The following ZNF730 variants were observed in gnomAD, a reference collection of about 807,000 sequenced individuals.
ZNF730 encodes the protein putative zinc finger protein 730.
Under a neutral mutation model 12.6 loss-of-function variants are expected in ZNF730, and 12 were observed. The observed-to-expected ratio is 0.95, with a 90% CI of 0.61 to 1.54. ZNF730 has a LOEUF of 1.54. Among genes scored for constraint, ZNF730 ranks in the 40% most tolerant of loss-of-function variants. The pLI is 0.00. For missense variants in ZNF730, 643 were observed against 583.5 expected (o/e 1.10, Z -1.05); for synonymous variants, 194 against 195.8 (o/e 0.99, Z 0.08).
At chr19:23,117,673 G>T (rs374532357) in intron 1 of ZNF730, among the ~76,000 whole-genome samples, 1 of 152,180 alleles carries the variant, frequency 6.6e-6, no homozygotes, top group East Asian at 1.9e-4. Flanking sequence ...CATGGGACGG[G>T]CTTGAAGGAA....
intron 3 of ZNF730, among the ~76,000 whole-genome samples, chr19:23,142,708 A>T (rs1284991526): frequency 7.1e-6 from 1 of 141,308 alleles, no homozygotes; most frequent in East Asian, 2.1e-4. Context: ...AAAAAAAAAA[A>T]GTTTATCTCT....
At chr19:23,090,932 G>A (rs915050679) in intron 1 of ZNF730, among the ~76,000 whole-genome samples, 9 of 152,026 alleles carry the variant, frequency 5.9e-5, no homozygotes, top group African/African-American at 1.7e-4. Flanking sequence ...AGGAGGCGGT[G>A]GAGGTTGCAG....
chr19:23,142,776 C>A (rs953690233), intron 3 of ZNF730, among the ~76,000 whole-genome samples: 1 of 122,268 alleles, frequency 8.2e-6, no homozygotes, highest in Non-Finnish European at 1.8e-5. Flanking sequence ...GAAAGACTTA[C>A]TGTTATTTTA....
intron 1 of ZNF730, among the ~76,000 whole-genome samples, chr19:23,080,556 G>T (rs1399214958): frequency 6.6e-6 from 1 of 151,816 alleles, no homozygotes; most frequent in Admixed American, 6.6e-5. Context: ...TTTATTTTTA[G>T]TAGAGACGGG....
chr19:23,088,780 A>C, intron 1 of ZNF730, among the ~76,000 whole-genome samples: 1 of 151,946 alleles, frequency 6.6e-6, no homozygotes, highest in East Asian at 1.9e-4. Context: ...AGAGTTTTTA[A>C]CATGAATGGA....
intron 3 of ZNF730, chr19:23,143,861 T>C (rs1319529363): frequency 6.6e-6 from 1 of 152,200 alleles, no homozygotes; most frequent in African/African-American, 2.4e-5. Flanking sequence ...CCCAAGATGC[T>C]CTGTGACTTT....
intron 2 of ZNF730, among the ~76,000 whole-genome samples, chr19:23,134,551 G>A (rs1970797766): frequency 7.1e-6 from 1 of 141,616 alleles, no homozygotes; most frequent in African/African-American, 2.6e-5. Flanking sequence ...CCCCTACTGG[G>A]AAGTGAGGAC....
intron 1 of ZNF730, among the ~76,000 whole-genome samples, chr19:23,120,303 G>A (rs916625154): frequency 6.6e-6 from 1 of 152,046 alleles, no homozygotes; most frequent in Non-Finnish European, 1.5e-5. Context: ...CTGGTCCTGG[G>A]CTTTCTTTTG....
chr19:23,137,241 A>T (rs981678860), intron 3 of ZNF730, among the ~76,000 whole-genome samples: 3 of 152,194 alleles, frequency 2.0e-5, no homozygotes, highest in African/African-American at 7.2e-5. Flanking sequence ...AAATATTTTT[A>T]AATTTATTTG....
intron 1 of ZNF730, among the ~76,000 whole-genome samples, chr19:23,129,764 C>T (rs1398502890): frequency 1.3e-5 from 2 of 151,826 alleles, no homozygotes; most frequent in African/African-American, 2.4e-5. Flanking sequence ...GAGGCCGAGA[C>T]GGGTGGATCA....
chr19:23,126,613 G>C, intron 1 of ZNF730: 1 of 490,120 alleles, frequency 2.0e-6, no homozygotes. Context: ...GGCAGCAACT[G>C]TAGGTTACCC....
chr19:23,099,718 ACT>A (rs756217002), intron 1 of ZNF730, among the ~76,000 whole-genome samples: 2 of 152,070 alleles, frequency 1.3e-5, no homozygotes, highest in African/African-American at 2.4e-5. Flanking sequence ...GGAGATGTTG[ACT>A]CTCATTCCTT....
At chr19:23,100,610 C>CCA (rs547503322) in intron 1 of ZNF730, among the ~76,000 whole-genome samples, 180 of 145,764 alleles carry the variant, frequency 1.2e-3, no homozygotes, top group African/African-American at 4.3e-3. Context: ...GAACATCTAG[C>CCA]CACAATTTGG....
chr19:23,141,677 A>G (rs183976293), intron 3 of ZNF730, among the ~76,000 whole-genome samples: 55 of 152,162 alleles, frequency 3.6e-4, no homozygotes, highest in African/African-American at 1.3e-3. Context: ...CTCATTATTT[A>G]TAGTCTCATT....
chr19:23,132,797 A>G (rs1970761632), intron 1 of ZNF730, among the ~76,000 whole-genome samples: 1 of 152,248 alleles, frequency 6.6e-6, no homozygotes, highest in African/African-American at 2.4e-5. Context: ...GAAAAAAATT[A>G]TTAGGAGATA....
chr19:23,078,220 GGAA>G (rs1014269452), intron 1 of ZNF730, among the ~76,000 whole-genome samples: 13 of 152,090 alleles, frequency 8.5e-5, no homozygotes, highest in Admixed American at 6.5e-4. Flanking sequence ...TGAGATAAGA[GGAA>G]GGCATCTGTC....
At chr19:23,114,865 G>A (rs1297608669), upstream of ZNF730, among the ~76,000 whole-genome samples, 4 of 152,002 alleles carry the variant, frequency 2.6e-5, no homozygotes, top group African/African-American at 4.8e-5. Context: ...GGCTTACTGC[G>A]GCTTTTACCT....
intron 3 of ZNF730, among the ~76,000 whole-genome samples, chr19:23,144,984 A>G (rs1377924507): frequency 6.6e-6 from 1 of 152,248 alleles, no homozygotes; most frequent in East Asian, 1.9e-4. Flanking sequence ...TCACTATGTT[A>G]CAATGGAGGG....
intron 1 of ZNF730, among the ~76,000 whole-genome samples, chr19:23,078,358 C>A (rs1969903865): frequency 6.6e-6 from 1 of 152,010 alleles, no homozygotes; most frequent in Non-Finnish European, 1.5e-5. Context: ...GTTCCATATA[C>A]TGAGATAGGA....
Sources: gnomAD v4.1 joint callset for allele counts (sites outside exome capture counted in the v4.1 genomes callset) on GRCh38, gnomAD v4.1.1 for gene constraint, MANE v1.5 for transcripts, NCBI Gene and HGNC (gene_info 2026-07-23, HGNC 2026-07-21) for gene names.